Variants in NRG3 observed in about 807,000 individuals in gnomAD.
NRG3 encodes neuregulin 3, also known as pro-neuregulin-3, membrane-bound isoform.
Under a neutral mutation model 66.9 loss-of-function variants are expected in NRG3, and 31 were observed. The ratio of observed to expected loss-of-function variants is 0.46; its 90% confidence interval spans 0.35 to 0.63. The LOEUF (loss-of-function observed/expected upper bound fraction) is 0.63. Among genes scored for constraint, NRG3 ranks in the 20% least tolerant of loss-of-function variants. NRG3 has a pLI of 0.00. For synonymous variants in NRG3, 393 were observed against 359.4 expected, an observed-to-expected ratio of 1.09 and a Z score of -1.06; for missense variants, 910 against 878.9, an observed-to-expected ratio of 1.04 and a Z score of -0.45.
At chr10:82,020,790 A>T (rs747085635) in intron 1 of NRG3, among the ~76,000 whole-genome samples, 3 of 152,126 alleles carry the variant, frequency 2.0e-5, no homozygotes, top group Non-Finnish European at 4.4e-5. Flanking sequence ...GTTCTAATAC[A>T]TTCCTCAGTT....
chr10:82,699,806 C>T (rs2055712645), intron 2 of NRG3, among the ~76,000 whole-genome samples: 1 of 151,968 alleles, frequency 6.6e-6, no homozygotes, highest in Admixed American at 6.6e-5. Context: ...CACAATACTG[C>T]ACAAATAAAC....
At chr10:82,735,162 A>G (rs887758479) in intron 2 of NRG3, among the ~76,000 whole-genome samples, 1 of 152,184 alleles carries the variant, frequency 6.6e-6, no homozygotes, top group Non-Finnish European at 1.5e-5. Flanking sequence ...AAACAATTAC[A>G]ATGTCTCGGC....
chr10:82,449,110 C>T (rs566401336), intron 2 of NRG3, among the ~76,000 whole-genome samples: 1 of 152,230 alleles, frequency 6.6e-6, no homozygotes, highest in South Asian at 2.1e-4. Context: ...ACTCTTTCTG[C>T]GAGCCTAGGG....
chr10:82,982,426 C>T (rs1853021295), intron 8 of NRG3, among the ~76,000 whole-genome samples: 1 of 152,192 alleles, frequency 6.6e-6, no homozygotes, highest in South Asian at 2.1e-4. Flanking sequence ...GCTCATGGAC[C>T]GAACTTGTGG....
intron 1 of NRG3, among the ~76,000 whole-genome samples, chr10:82,277,172 C>CT (rs397847488): frequency 0.16 from 23,827 of 151,764 alleles, 4,619 homozygotes; most frequent in African/African-American, 0.46. Flanking sequence ...ATTTTTATGT[C>CT]TTTTGAAGCC....
intron 2 of NRG3, among the ~76,000 whole-genome samples, chr10:82,601,904 C>A (rs922632563): frequency 1.4e-5 from 2 of 144,432 alleles, no homozygotes; most frequent in Non-Finnish European, 3.0e-5. Context: ...ATATATATAA[C>A]TATATATATA....
chr10:82,294,854 T>C (rs2079969084), intron 1 of NRG3, among the ~76,000 whole-genome samples: 1 of 152,226 alleles, frequency 6.6e-6, no homozygotes, highest in Non-Finnish European at 1.5e-5. Context: ...GACAAATCAA[T>C]AGCCTTGTGG....
chr10:82,808,238 T>A (rs2061363657), intron 3 of NRG3, among the ~76,000 whole-genome samples: 1 of 151,638 alleles, frequency 6.6e-6, no homozygotes, highest in Non-Finnish European at 1.5e-5. Flanking sequence ...CTATTTTGAA[T>A]AAGCACCTTA....
intron 2 of NRG3, among the ~76,000 whole-genome samples, chr10:82,548,038 C>T (rs1312512455): frequency 5.4e-5 from 5 of 92,060 alleles, no homozygotes; most frequent in South Asian, 2.8e-4. Context: ...ACTCATGCCA[C>T]GTTTTTTTTT....
intron 4 of NRG3, among the ~76,000 whole-genome samples, chr10:82,950,117 A>G (rs1849383451): frequency 6.6e-6 from 1 of 152,176 alleles, no homozygotes; most frequent in Non-Finnish European, 1.5e-5. Flanking sequence ...ACTCTGGGGA[A>G]AGAAGTAGGT....
chr10:82,722,354 T>C (rs2134526290), intron 2 of NRG3, among the ~76,000 whole-genome samples: 1 of 152,322 alleles, frequency 6.6e-6, no homozygotes, highest in Non-Finnish European at 1.5e-5. Flanking sequence ...GTGTCTAAGA[T>C]ACGCTATAAT....
intron 2 of NRG3, among the ~76,000 whole-genome samples, chr10:82,564,771 T>A (rs1172516570): frequency 6.6e-6 from 1 of 151,918 alleles, no homozygotes; most frequent in Non-Finnish European, 1.5e-5. Flanking sequence ...GAAAAAAAAA[T>A]ATGGCAATTA....
intron 1 of NRG3, among the ~76,000 whole-genome samples, chr10:82,014,158 G>C (rs2061691293): frequency 6.6e-6 from 1 of 152,188 alleles, no homozygotes. Flanking sequence ...TAGAAAGGGA[G>C]AGATCTTTAG....
intron 2 of NRG3, among the ~76,000 whole-genome samples, chr10:82,376,098 G>C (rs1310026701): frequency 6.6e-6 from 1 of 152,158 alleles, no homozygotes; most frequent in African/African-American, 2.4e-5. Context: ...TGTTTCAGTA[G>C]GTCTGGGGTG....
chr10:82,115,989 G>C (rs1444646927), intron 1 of NRG3, among the ~76,000 whole-genome samples: 1 of 152,066 alleles, frequency 6.6e-6, no homozygotes, highest in Non-Finnish European at 1.5e-5. Flanking sequence ...CTGACTTTTT[G>C]ACTAAAGTCA....
At chr10:82,254,654 T>C (rs1469210284) in intron 1 of NRG3, among the ~76,000 whole-genome samples, 2 of 148,892 alleles carry the variant, frequency 1.3e-5, no homozygotes, top group Non-Finnish European at 1.5e-5. Flanking sequence ...ACAAAACAAA[T>C]ACACACACAC....
intron 2 of NRG3, among the ~76,000 whole-genome samples, chr10:82,670,346 T>C (rs2053170401): frequency 6.6e-6 from 1 of 152,144 alleles, no homozygotes; most frequent in Non-Finnish European, 1.5e-5. Flanking sequence ...TGTGCACAAA[T>C]ACATGCGGCA....
At chr10:81,962,545 C>G (rs10883981) in intron 1 of NRG3, among the ~76,000 whole-genome samples, 70,556 of 152,080 alleles carry the variant, frequency 0.46, 20,417 homozygotes, top group African/African-American at 0.78. Flanking sequence ...TCTCCCTAAA[C>G]ATAGTAGCTG....
chr10:82,216,828 G>A (rs74956182), intron 1 of NRG3, among the ~76,000 whole-genome samples: 3,298 of 152,074 alleles, frequency 0.022, 59 homozygotes, highest in Non-Finnish European at 0.034. Context: ...TTACTTTTTA[G>A]TGTAGTGATA....
Sources: allele counts gnomAD v4.1 joint callset (sites outside exome capture counted in the v4.1 genomes callset), GRCh38; gene constraint gnomAD v4.1.1; transcripts MANE v1.5; gene names NCBI Gene and HGNC (gene_info 2026-07-23, HGNC 2026-07-21).